Variants in DGKH observed in about 807,000 individuals in gnomAD.
The protein encoded by DGKH is DAG kinase eta.
In DGKH, 90 loss-of-function variants were observed where a neutral mutation model predicts 159.3. The observed-to-expected ratio is 0.57, with a 90% CI of 0.48 to 0.67. The LOEUF is 0.67. Ranked by LOEUF, DGKH falls within the 30% of genes least tolerant of loss-of-function variation. The pLI is 0.00. For synonymous variants in DGKH, 536 were observed against 553.8 expected (o/e 0.97, Z 0.45); for missense variants, 1,181 against 1,506.1 (o/e 0.78, Z 3.57).
intron 1 of DGKH, among the ~76,000 whole-genome samples, chr13:42,054,540 G>A (rs578126413): frequency 6.6e-6 from 1 of 152,302 alleles, no homozygotes; most frequent in Non-Finnish European, 1.5e-5. Context: ...GGGCCATAAG[G>A]TGTCTGCTGA....
At position 42,168,825 on chromosome 13, in the gene DGKH, G is replaced by A. The variant is rs749530154; in HGVS notation, c.1367+7G>A. On this transcript the variant is annotated splice_region_variant and intron_variant, in intron 11 of 29. Transcript: ENST00000337343. ...GTACCAAAATGTTGGACAGGTAAAA[G>A]TAAATTCTTTTCTACAACTAGATGG... 2.5e-6 allele frequency: 4 copies of A among 1,605,518 alleles called. No individual in the cohort carries two copies. Among genetic ancestry groups the A allele is most frequent in the African/African-American group, 2.7e-5 (2 of 74,840 alleles).
At chr13:42,213,337 C>CTAT (rs1957708717) in intron 24 of DGKH, among the ~76,000 whole-genome samples, 1 of 151,886 alleles carries the variant, frequency 6.6e-6, no homozygotes, top group Non-Finnish European at 1.5e-5. Flanking sequence ...TTTGATGGAG[C>CTAT]CATAGGGTTC....
chr13:42,193,209 G>T (rs1405071255), intron 16 of DGKH, among the ~76,000 whole-genome samples: 1 of 152,118 alleles, frequency 6.6e-6, no homozygotes, highest in Non-Finnish European at 1.5e-5. Context: ...CTAAGATGAT[G>T]GCTGTTAGGA....
intron 3 of DGKH, among the ~76,000 whole-genome samples, chr13:42,150,755 AT>A (rs935260127): frequency 1.3e-4 from 19 of 149,492 alleles, no homozygotes; most frequent in South Asian, 4.2e-4. Context: ...ATTTGTAATT[AT>A]TTTTTTTATG....
At chr13:42,248,394 C>T (rs535930117) in intron 29 of DGKH, among the ~76,000 whole-genome samples, 1 of 150,546 alleles carries the variant, frequency 6.6e-6, no homozygotes, top group East Asian at 1.9e-4. Context: ...CCACTGCACT[C>T]CAGCCTGGGT....
chr13:42,167,827 A>G (rs1039951761), intron 9 of DGKH, among the ~76,000 whole-genome samples: 1 of 152,114 alleles, frequency 6.6e-6, no homozygotes, highest in Non-Finnish European at 1.5e-5. Flanking sequence ...ACCTCTCTTG[A>G]TGAAACTTCC....
chr13:42,064,842 G>T (rs1373751358), intron 1 of DGKH, among the ~76,000 whole-genome samples: 1 of 151,874 alleles, frequency 6.6e-6, no homozygotes, highest in Non-Finnish European at 1.5e-5. Context: ...AACACAAAAA[G>T]AAAGTATCCT....
rs759833892 is a variant in DGKH at position 42,219,337 on chromosome 13, A to C, written c.3321A>C (p.Pro1107=). Residue 1107 remains proline (P), a synonymous_variant, in exon 27 of 30, where the codon CCA becomes CCC. Coordinates refer to ENST00000337343, the MANE Select transcript of DGKH (RefSeq NM_178009.5). ...CTTGGCTTTATTATATCTTACACCC[A>C]AATGAGGATGAGGTATGTAAAATTC... The part of the protein sequence containing the change: ...EIPWLYYILH[P]NEDEEPPMDC... 6.2e-7 allele frequency: 1 copy of C among 1,613,886 alleles called. No homozygotes were observed. The highest frequency in any genetic ancestry group is 8.5e-7 in the Non-Finnish European group (1 of 1,179,840).
chr13:42,217,587 G>A (rs953033980), intron 26 of DGKH, among the ~76,000 whole-genome samples: 2 of 148,518 alleles, frequency 1.3e-5, no homozygotes, highest in African/African-American at 4.9e-5. Flanking sequence ...GGTAGATACT[G>A]TGAATAACAA....
intron 7 of DGKH, among the ~76,000 whole-genome samples, chr13:42,163,923 A>C (rs1265180811): frequency 3.3e-5 from 5 of 152,236 alleles, no homozygotes; most frequent in Non-Finnish European, 4.4e-5. Context: ...TGTTTCAGAC[A>C]TGAAGTCCTT....
chr13:42,069,743 A>G, intron 1 of DGKH: 5 of 1,123,784 alleles, frequency 4.4e-6, no homozygotes, highest in Non-Finnish European at 6.4e-6. Flanking sequence ...AAATATGATC[A>G]TGACCTCGTT....
intron 1 of DGKH, among the ~76,000 whole-genome samples, chr13:42,049,906 CTG>C (rs1168193733): frequency 1.3e-5 from 2 of 152,194 alleles, no homozygotes; most frequent in African/African-American, 4.8e-5. Context: ...CAGAGAGAGT[CTG>C]TTATCAGTAG....
chr13:42,128,690 G>C (rs923998959), intron 2 of DGKH, among the ~76,000 whole-genome samples: 1 of 152,084 alleles, frequency 6.6e-6, no homozygotes, highest in Non-Finnish European at 1.5e-5. Flanking sequence ...ATCTTCTATA[G>C]CATTTCATTG....
intron 16 of DGKH, among the ~76,000 whole-genome samples, chr13:42,194,253 C>T (rs895336455): frequency 6.6e-6 from 1 of 152,180 alleles, no homozygotes; most frequent in Non-Finnish European, 1.5e-5. Context: ...GATCCTCCAG[C>T]CTCAGCCTCC....
chr13:42,091,490 A>G (rs552269351), intron 1 of DGKH, among the ~76,000 whole-genome samples: 10 of 152,322 alleles, frequency 6.6e-5, no homozygotes, highest in African/African-American at 2.4e-4. Flanking sequence ...AATTAAAAAA[A>G]TGGGCAAAGG....
At chr13:42,192,406 G>A (rs145291372) in intron 16 of DGKH, among the ~76,000 whole-genome samples, 1 of 152,038 alleles carries the variant, frequency 6.6e-6, no homozygotes, top group Admixed American at 6.6e-5. Flanking sequence ...GTAATTATTA[G>A]GTTTTATGAA....
chr13:42,255,248 TA>T (rs1257081840), intron 30 of DGKH, among the ~76,000 whole-genome samples: 1 of 152,032 alleles, frequency 6.6e-6, no homozygotes, highest in African/African-American at 2.4e-5. Flanking sequence ...GAATACTTGA[TA>T]GATTGCTTAT....
At chr13:42,090,359 A>C (rs910157369) in intron 1 of DGKH, among the ~76,000 whole-genome samples, 1 of 152,198 alleles carries the variant, frequency 6.6e-6, no homozygotes, top group Non-Finnish European at 1.5e-5. Flanking sequence ...TGTAATCCCT[A>C]TGAAAGTTCC....
intron 21 of DGKH, among the ~76,000 whole-genome samples, chr13:42,208,050 A>AT (rs1274150407): frequency 6.6e-6 from 1 of 152,134 alleles, no homozygotes; most frequent in Non-Finnish European, 1.5e-5. Flanking sequence ...AGAGCTTCAC[A>AT]TTCATTATTT....
Sources: allele counts gnomAD v4.1 joint callset (sites outside exome capture counted in the v4.1 genomes callset), GRCh38; gene constraint gnomAD v4.1.1; transcripts MANE v1.5; gene names NCBI Gene and HGNC (gene_info 2026-07-23, HGNC 2026-07-21).